The following RNF17 variants were observed in gnomAD, a reference collection of about 807,000 sequenced individuals.
RNF17 encodes the protein spermatogenesis associated 23.
A neutral mutation model predicts 200.5 loss-of-function variants in RNF17; 31 were observed. The ratio of observed to expected loss-of-function variants is 0.15; its 90% confidence interval spans 0.12 to 0.21. The LOEUF is 0.21. Among genes scored for constraint, RNF17 ranks in the 10% least tolerant of loss-of-function variants. The pLI, the probability that RNF17 is intolerant of heterozygous loss-of-function variation, is 1.00. For synonymous variants in RNF17, 606 were observed against 637.8 expected, an observed-to-expected ratio of 0.95 and a Z score of 0.75; for missense variants, 1,628 against 1,905.1, an observed-to-expected ratio of 0.85 and a Z score of 2.71.
At chr13:24,748,708 G>A in the RNF17 span, among the ~76,000 whole-genome samples, 1 of 151,866 alleles carries the variant, frequency 6.6e-6, no homozygotes, top group Non-Finnish European at 1.5e-5. Context: ...AGTGTAATAA[G>A]AACTAAAAGG....
At chr13:24,866,575 A>T (rs775582747) in intron 30 of RNF17, among the ~76,000 whole-genome samples, 4 of 152,168 alleles carry the variant, frequency 2.6e-5, no homozygotes, top group Admixed American at 6.5e-5. Flanking sequence ...TAACATTTTC[A>T]AGGTTCATAC....
chr13:24,751,606 G>A, the RNF17 span: 2 of 152,026 alleles, frequency 1.3e-5, no homozygotes, highest in Non-Finnish European at 2.9e-5. Flanking sequence ...TATACTGCTT[G>A]GTAGTAAAAG....
chr13:24,862,353 G>A (rs370737080), intron 27 of RNF17, among the ~76,000 whole-genome samples: 3 of 152,124 alleles, frequency 2.0e-5, no homozygotes, highest in Middle Eastern at 3.2e-3. Context: ...CGCAACAACC[G>A]CTATTCCTTA....
At chr13:24,824,232 C>T (rs1888395145) in intron 15 of RNF17, 1 of 713,244 alleles carries the variant, frequency 1.4e-6, no homozygotes, top group African/African-American at 1.7e-5. Flanking sequence ...GACACTTTCT[C>T]ATTTTTTCAA....
chr13:24,829,118 C>T (rs1412157571), intron 16 of RNF17, among the ~76,000 whole-genome samples: 1 of 152,138 alleles, frequency 6.6e-6, no homozygotes, highest in East Asian at 1.9e-4. Flanking sequence ...AATTGGGCTG[C>T]TTACCCCCTA....
intron 31 of RNF17, among the ~76,000 whole-genome samples, chr13:24,869,849 C>G (rs1364341696): frequency 6.6e-6 from 1 of 151,944 alleles, no homozygotes; most frequent in African/African-American, 2.4e-5. Flanking sequence ...CTCACTGAAG[C>G]CTTAACTTCC....
intron 6 of RNF17, among the ~76,000 whole-genome samples, chr13:24,786,934 T>C (rs1402992005): frequency 6.6e-6 from 1 of 152,292 alleles, no homozygotes; most frequent in Middle Eastern, 3.4e-3. Flanking sequence ...TCTCCTGTGA[T>C]TCCTATAATG....
rs540521415 is a variant in RNF17, at chr13:24,830,627, C to G, written c.2361+28C>G. On this transcript the variant is annotated intron_variant, in intron 17 of 35. Coordinates refer to ENST00000255324, the MANE Select transcript of RNF17 (RefSeq NM_031277.3). ...AATTTATTTATTATGAATTCTAGGG[C>G]TAGAATATCAGCACAAATATGGAAG... 23 of 1,383,386 alleles carry G rather than the reference C, an allele frequency of 1.7e-5. No individual in the cohort carries two copies. In the South Asian group the frequency reaches 2.5e-4, roughly 15 times the overall value. The allele number at this position is 1,383,386 out of a possible 1,614,324, so 85.7% of individuals were successfully genotyped here.
At chr13:24,777,216 C>T (rs1593225296) in intron 3 of RNF17, among the ~76,000 whole-genome samples, 1 of 152,160 alleles carries the variant, frequency 6.6e-6, no homozygotes, top group African/African-American at 2.4e-5. Context: ...TTTTTAAGAA[C>T]ATGAATATTC....
intron 22 of RNF17, among the ~76,000 whole-genome samples, chr13:24,846,461 A>G (rs1166175647): frequency 6.6e-6 from 1 of 152,216 alleles, no homozygotes; most frequent in African/African-American, 2.4e-5. Context: ...CCTAGCTGCT[A>G]TTCACCATAG....
rs775897652 is a variant in RNF17, at chr13:24,778,446, C to T, written c.429+40C>T. On this transcript the variant is annotated intron_variant, in intron 4 of 35. Transcript: ENST00000255324. ...GGTCATGAAGTACGATGAAGGCAAACGTTTGACTTTGTCTCTAGTAGCTCA... is the reference window on the plus strand; with the variant it reads ...GGTCATGAAGTACGATGAAGGCAAATGTTTGACTTTGTCTCTAGTAGCTCA... The T allele has an allele frequency of 1.8e-5, 24 of 1,315,584 alleles. No homozygotes were observed. The East Asian group carries it at 3.0e-4, about 16-fold the overall frequency. The allele number at this position is 1,315,584 out of a possible 1,614,324, so 81.5% of individuals were successfully genotyped here.
At chr13:24,838,763 G>A (rs991668954) in intron 18 of RNF17, among the ~76,000 whole-genome samples, 7 of 152,274 alleles carry the variant, frequency 4.6e-5, no homozygotes, top group African/African-American at 1.7e-4. Context: ...AGTGGAACAA[G>A]ACAAGGATGC....
intron 11 of RNF17, 66 bp from the exon 12 acceptor site, chr13:24,799,329 C>A: frequency 8.1e-7 from 1 of 1,241,002 alleles, no homozygotes; most frequent in Non-Finnish European, 1.2e-6. Flanking sequence ...ACTAACGTGT[C>A]TGTAAACTTA....
chr13:24,819,574 C>T (rs927045946), intron 15 of RNF17, among the ~76,000 whole-genome samples: 2 of 152,074 alleles, frequency 1.3e-5, no homozygotes, highest in Non-Finnish European at 2.9e-5. Context: ...ATATAACATC[C>T]TAAAGTTATA....
chr13:24,876,894 T>C (rs1225768133), intron 33 of RNF17, 103 bp from the exon 34 acceptor site: 2 of 939,640 alleles, frequency 2.1e-6, no homozygotes, highest in Non-Finnish European at 3.1e-6. Context: ...AAAAAATCAC[T>C]GCAAAATCCA....
chr13:24,876,113 A>C (rs1183902680), intron 33 of RNF17, among the ~76,000 whole-genome samples: 1 of 152,248 alleles, frequency 6.6e-6, no homozygotes, highest in Non-Finnish European at 1.5e-5. Flanking sequence ...AATGTAAGAA[A>C]GATCACATTG....
upstream of RNF17, among the ~76,000 whole-genome samples, chr13:24,763,147 T>A (rs1878952307): frequency 1.3e-5 from 2 of 152,102 alleles, no homozygotes; most frequent in South Asian, 4.1e-4. Context: ...GTAGACCATA[T>A]TGACTTCATT....
In RNF17 at chr13:24,843,941, A is replaced by G. The variant is rs200557848; in HGVS notation, c.2801A>G (p.Gln934Arg). 1.3e-6 allele frequency: 2 copies of G among 1,526,522 alleles called. No individual in the cohort carries two copies. Among genetic ancestry groups the G allele is most frequent in the Admixed American group, 2.1e-5 (1 of 47,086 alleles). The allele number at this position is 1,526,522 out of a possible 1,614,324, so 94.6% of individuals were successfully genotyped here. A position where few individuals can be genotyped will look rare whatever the true frequency, so the allele number is the denominator to read the frequency against. Residue 934 changes from glutamine to arginine, a missense_variant, in exon 20 of 36, where the codon CAG (glutamine) becomes CGG (arginine). Gln to Arg is a conservative substitution (Grantham distance 43, BLOSUM62 1). Coordinates refer to ENST00000255324, the MANE Select transcript of RNF17 (RefSeq NM_031277.3). ...NVISPEKIYV[Q>R]WLLTENLLNS... ...ATATCTCCTGAGAAGATTTATGTTC[A>G]GTGGTTGTTAACTGAAAACTTACTT...
chr13:24,794,185 C>G (rs769156613), intron 10 of RNF17: 5 of 456,396 alleles, frequency 1.1e-5, no homozygotes, highest in African/African-American at 1.0e-4. Context: ...GGGGAGACAC[C>G]TAGATATCCA....
Sources: allele counts gnomAD v4.1 joint callset (sites outside exome capture counted in the v4.1 genomes callset), GRCh38; gene constraint gnomAD v4.1.1; transcripts MANE v1.5; gene names NCBI Gene and HGNC (gene_info 2026-07-23, HGNC 2026-07-21).